The following MARK3 variants were observed in gnomAD, a reference collection of about 807,000 sequenced individuals.
MARK3 encodes the protein microtubule affinity regulating kinase 3, also known as MAP/microtubule affinity-regulating kinase 3.
In MARK3, 46 loss-of-function variants were observed where a neutral mutation model predicts 90.1. The ratio of observed to expected loss-of-function variants is 0.51; its 90% CI spans 0.40 to 0.65. The LOEUF (loss-of-function observed/expected upper bound fraction) is 0.65, where lower values mean the gene tolerates loss of function less well. Ranked by LOEUF, MARK3 falls within the 30% of genes least tolerant of loss-of-function variation. The probability of loss-of-function intolerance (pLI) is 0.00; values close to 1 mark genes in which losing one functional copy is unlikely to be tolerated. For missense variants in MARK3, 818 were observed against 947.2 expected, an observed-to-expected ratio of 0.86 and a Z score of 1.79; for synonymous variants, 321 against 332.6, an observed-to-expected ratio of 0.97 and a Z score of 0.38.
At chr14:103,412,866 CT>C (rs1364669346) in intron 2 of MARK3, 10 of 303,202 alleles carry the variant, frequency 3.3e-5, no homozygotes, top group South Asian at 1.5e-4. Flanking sequence ...GTCTTTCTTT[CT>C]TTTTTTTCTT....
intron 3 of MARK3, among the ~76,000 whole-genome samples, chr14:103,445,951 A>G (rs1030804878): frequency 3.9e-5 from 6 of 152,228 alleles, no homozygotes; most frequent in African/African-American, 1.4e-4. Context: ...GTTGGTAGTT[A>G]GTGCTTTCAT....
intron 12 of MARK3, 43 bp downstream of exon 12, chr14:103,468,229 C>A: frequency 6.4e-7 from 1 of 1,568,190 alleles, no homozygotes; most frequent in Non-Finnish European, 8.7e-7. Context: ...AGAGTCCAGG[C>A]AAGAGGTCTC....
rs540614148 is a variant in MARK3 at position 103,501,664 on chromosome 14, C to T, written c.1917-1218C>T. On this transcript the variant is annotated intron_variant, in intron 17 of 17. Coordinates refer to ENST00000429436, the MANE Select transcript of MARK3 (RefSeq NM_001128918.3). ...CCTCCTTGTCTCATCCTGCCTGTCA[C>T]GTTCTCCTGCTCGGCGGGCTCCACC... 3.3e-5 allele frequency among the ~76,000 whole-genome samples: 5 copies of T among 152,142 alleles called. No individual in the cohort carries two copies. In the East Asian group the frequency reaches 5.8e-4, roughly 18 times the overall value.
chr14:103,463,613 C>G (rs2093443547), intron 7 of MARK3, among the ~76,000 whole-genome samples: 1 of 152,234 alleles, frequency 6.6e-6, no homozygotes, highest in Non-Finnish European at 1.5e-5. Context: ...CTTAAGCTCA[C>G]TCTTTTATGT....
chr14:103,435,538 A>G (rs1218842867), intron 3 of MARK3, among the ~76,000 whole-genome samples: 1 of 151,940 alleles, frequency 6.6e-6, no homozygotes, highest in Non-Finnish European at 1.5e-5. Flanking sequence ...CCTCCCGAGT[A>G]GCTGGGACTA....
At chr14:103,451,115 TAG>T (rs2093137101) in intron 4 of MARK3, among the ~76,000 whole-genome samples, 1 of 151,532 alleles carries the variant, frequency 6.6e-6, no homozygotes, top group South Asian at 2.1e-4. Flanking sequence ...CATTTTTTTG[TAG>T]AGAGGGAATT....
chr14:103,487,561 G>A (rs1214157049), intron 14 of MARK3, among the ~76,000 whole-genome samples: 1 of 151,886 alleles, frequency 6.6e-6, no homozygotes, highest in Non-Finnish European at 1.5e-5. Context: ...GGGACCATTT[G>A]TATTCACCAG....
intron 1 of MARK3, among the ~76,000 whole-genome samples, chr14:103,400,831 G>A (rs936551583): frequency 6.7e-6 from 1 of 149,556 alleles, no homozygotes; most frequent in Non-Finnish European, 1.5e-5. Flanking sequence ...GGAGTTCGAG[G>A]CTGCAGTGAG....
chr14:103,474,981 T>G lies in MARK3; in HGVS notation c.1265-12T>G, dbSNP rs576391990. The G allele has an allele frequency of 8.0e-5, 127 of 1,596,434 alleles. No homozygotes were observed. The South Asian group carries it at 1.2e-3, about 16-fold the overall frequency. ...ATATTCAGTCATTTAAAAAATGAAC[T>G]CTTTATTTTAGCTGGACCAGCTATT... On this transcript the variant is annotated splice_polypyrimidine_tract_variant and intron_variant, in intron 12 of 17. Coordinates refer to ENST00000429436, the MANE Select transcript of MARK3 (RefSeq NM_001128918.3).
intron 12 of MARK3, among the ~76,000 whole-genome samples, chr14:103,472,640 T>TC (rs2093647186): frequency 1.2e-5 from 1 of 81,278 alleles, no homozygotes; most frequent in Non-Finnish European, 2.3e-5. Context: ...AGAGCGAGGC[T>TC]CCATCTCAAA....
In MARK3 at chr14:103,500,516, C is replaced by G. The variant is rs117716289; in HGVS notation, c.1916+316C>G. The stretch of plus-strand genomic sequence containing the variant: ...TAAGCCCTCAGTTCATCACTGACCC[C>G]TCACATGGTTCTCTTCACAAGGAAT... On this transcript the variant is annotated intron_variant, in intron 17 of 17. Coordinates refer to ENST00000429436, the MANE Select transcript of MARK3 (RefSeq NM_001128918.3). Among the ~76,000 whole-genome samples, 1,055 of 152,354 alleles carry G rather than the reference C, an allele frequency of 6.9e-3. 7 individuals are homozygous for G. Among genetic ancestry groups the G allele is most frequent in the Non-Finnish European group, 9.3e-3 (635 of 68,036 alleles).
intron 2 of MARK3, among the ~76,000 whole-genome samples, chr14:103,410,028 A>G (rs778271211): frequency 3.9e-5 from 6 of 152,188 alleles, no homozygotes; most frequent in Non-Finnish European, 5.9e-5. Context: ...TGATGTACCT[A>G]CTTTATTATT....
intron 2 of MARK3, chr14:103,412,567 G>T: frequency 1.5e-6 from 1 of 663,436 alleles, no homozygotes. Context: ...TGTTCCCCCA[G>T]GACCCACACT....
At chr14:103,417,051 G>A (rs1384281519) in intron 2 of MARK3, among the ~76,000 whole-genome samples, 2 of 152,144 alleles carry the variant, frequency 1.3e-5, no homozygotes, top group Non-Finnish European at 2.9e-5. Context: ...CCCTGAGGTT[G>A]GTGACCAAGG....
chr14:103,442,788 C>T (rs1490873827), intron 3 of MARK3, among the ~76,000 whole-genome samples: 1 of 151,686 alleles, frequency 6.6e-6, no homozygotes, highest in Non-Finnish European at 1.5e-5. Flanking sequence ...ACAAGAATGA[C>T]AAGGAATGCA....
intron 3 of MARK3, among the ~76,000 whole-genome samples, chr14:103,448,156 A>C (rs1278351828): frequency 2.0e-5 from 3 of 152,200 alleles, no homozygotes; most frequent in African/African-American, 7.2e-5. Context: ...CAGTTACAAC[A>C]GAGGATCTGT....
At chr14:103,458,948 T>C (rs1001397410) in intron 6 of MARK3, among the ~76,000 whole-genome samples, 15 of 151,900 alleles carry the variant, frequency 9.9e-5, no homozygotes, top group African/African-American at 3.6e-4. Flanking sequence ...TTTTTAAAGC[T>C]ATAAAAAAAA....
Position 103,405,171 on chromosome 14 carries a change from A to G in MARK3, c.147A>G (p.Glu49=). ...CRNSIASCAD[E]QPHIGNYRLL... ...ACTCTATAGCCTCCTGTGCAGATGA[A>G]CAACCTCACATCGGAAACTACAGAC... The change falls in exon 2 of 18, where the codon GAA becomes GAG. Residue 49 remains glutamate, a synonymous_variant. Transcript: ENST00000429436. 1.2e-6 allele frequency: 2 copies of G among 1,600,992 alleles called. No individual in the cohort carries two copies. The highest frequency in any genetic ancestry group is 1.7e-6 in the Non-Finnish European group (2 of 1,176,604).
At chr14:103,416,500 G>T (rs1595562014) in intron 2 of MARK3, among the ~76,000 whole-genome samples, 1 of 152,208 alleles carries the variant, frequency 6.6e-6, no homozygotes, top group African/African-American at 2.4e-5. Context: ...GCCAGGCGTG[G>T]TGGATCACGC....
Sources: gnomAD v4.1 joint callset for allele counts (sites outside exome capture counted in the v4.1 genomes callset) on GRCh38, gnomAD v4.1.1 for gene constraint, MANE v1.5 for transcripts, NCBI Gene and HGNC (gene_info 2026-07-23, HGNC 2026-07-21) for gene names.